PRKCH: variants seen among roughly 807,000 people sequenced by gnomAD.
The protein encoded by PRKCH is protein kinase C eta.
A neutral mutation model predicts 82.5 loss-of-function variants in PRKCH; 28 were observed. The ratio of observed to expected loss-of-function variants is 0.34; its 90% confidence interval spans 0.25 to 0.47. The LOEUF (loss-of-function observed/expected upper bound fraction) is 0.47, where lower values mean the gene tolerates loss of function less well. Ranked by LOEUF, PRKCH falls within the 20% of genes least tolerant of loss-of-function variation. The pLI is 1.00. For missense variants in PRKCH, 705 were observed against 881.8 expected, an observed-to-expected ratio of 0.80 and a Z score of 2.54; for synonymous variants, 322 against 327.4, an observed-to-expected ratio of 0.98 and a Z score of 0.18.
At chr14:61,236,867 A>G (rs2044794386) in intron 1 of PRKCH, among the ~76,000 whole-genome samples, 1 of 152,114 alleles carries the variant, frequency 6.6e-6, no homozygotes, top group South Asian at 2.1e-4. Context: ...AAGTTACCTT[A>G]TATGGTCTAA....
Position 61,323,185 on chromosome 14 carries a change from C to A in PRKCH, c.363+721C>A, listed in dbSNP as rs188588096. On this transcript the variant is annotated intron_variant, in intron 1 of 13. Coordinates refer to ENST00000332981, the MANE Select transcript of PRKCH (RefSeq NM_006255.5). ...GAGGTTGTTAACTGTCTTCCCTCCC[C>A]CCATCACCAGCCTGTGTTCCTGGGT... Among the ~76,000 whole-genome samples, 95 of 152,288 alleles carry A rather than the reference C, an allele frequency of 6.2e-4. 1 individual carries two copies. Among genetic ancestry groups the A allele is most frequent in the Non-Finnish European group, 1.0e-3 (69 of 68,028 alleles).
intron 1 of PRKCH, among the ~76,000 whole-genome samples, chr14:61,238,229 A>T (rs1239478889): frequency 6.6e-6 from 1 of 152,212 alleles, no homozygotes; most frequent in Non-Finnish European, 1.5e-5. Flanking sequence ...AAATCACAGT[A>T]CATTGGGTTC....
chr14:61,248,261 C>G (rs957775010), intron 1 of PRKCH, among the ~76,000 whole-genome samples: 1 of 152,136 alleles, frequency 6.6e-6, no homozygotes, highest in African/African-American at 2.4e-5. Context: ...AACTCACCCA[C>G]CTAGAGTTAC....
upstream of PRKCH, among the ~76,000 whole-genome samples, chr14:61,320,751 G>C (rs1009346106): frequency 6.6e-6 from 1 of 152,206 alleles, no homozygotes; most frequent in African/African-American, 2.4e-5. Context: ...ACCACGGGGT[G>C]GGAAGCATCA....
chr14:61,208,805 T>C (rs1458951922), intron 1 of PRKCH, among the ~76,000 whole-genome samples: 1 of 152,218 alleles, frequency 6.6e-6, no homozygotes, highest in South Asian at 2.1e-4. Context: ...ACCATTGCTA[T>C]GATCTGAATT....
At chr14:61,535,889 T>C (rs2043101453) in intron 12 of PRKCH, among the ~76,000 whole-genome samples, 1 of 152,182 alleles carries the variant, frequency 6.6e-6, no homozygotes, top group Admixed American at 6.5e-5. Context: ...GAGTGATGAG[T>C]ACATGAGGGT....
chr14:61,200,388 AGT>A (rs34645520), intron 1 of PRKCH, among the ~76,000 whole-genome samples: 36,515 of 142,116 alleles, frequency 0.26, 4,835 homozygotes, highest in Admixed American at 0.38. Flanking sequence ...TGAGTGAGTG[AGT>A]GTGTGTGTGT....
chr14:61,549,955 T>G lies in PRKCH; in HGVS notation c.*124T>G. On this transcript the variant is annotated 3_prime_UTR_variant, in exon 14 of 14. Transcript: ENST00000332981. ...AAGAACCTTACCTTCAAGGAGCAAG[T>G]GAAGAACTCTGTGAAGGATGGAACT... The G allele has an allele frequency of 9.6e-7, 1 of 1,046,038 alleles. No individual in the cohort carries two copies. Among genetic ancestry groups the G allele is most frequent in the Middle Eastern group, 2.4e-4 (1 of 4,180 alleles). The allele number at this position is 1,046,038 out of a possible 1,614,324, so 64.8% of individuals were successfully genotyped here. A position where few individuals can be genotyped will look rare whatever the true frequency, so the allele number is the denominator to read the frequency against.
chr14:61,457,717 T>A, intron 9 of PRKCH, 38 bp downstream of exon 9: 1 of 1,606,116 alleles, frequency 6.2e-7, no homozygotes, highest in Non-Finnish European at 8.5e-7. Context: ...AACAGCCTCT[T>A]TTCTTACAGA....
At chr14:61,363,021 A>T (rs538407683) in intron 1 of PRKCH, among the ~76,000 whole-genome samples, 48 of 152,352 alleles carry the variant, frequency 3.2e-4, no homozygotes, top group African/African-American at 1.1e-3. Context: ...TAGGACTTAG[A>T]TGATGAACGG....
chr14:61,339,432 T>C lies in PRKCH; in HGVS notation c.363+16968T>C, dbSNP rs2039566917. ...TTTGCCTCCCGGGTTCACGCCATTC[T>C]CCTGCCTCAGCCTCCCGAGTAGCTG... On this transcript the variant is annotated intron_variant, in intron 1 of 13. Coordinates refer to ENST00000332981, the MANE Select transcript of PRKCH (RefSeq NM_006255.5). Among the ~76,000 whole-genome samples the C allele has an allele frequency of 2.0e-5, 3 of 148,746 alleles. No homozygotes were observed. The South Asian group carries it at 6.6e-4, about 32-fold the overall frequency.
chr14:61,316,478 A>G (rs1457913247), intron 1 of PRKCH, among the ~76,000 whole-genome samples: 1 of 152,262 alleles, frequency 6.6e-6, no homozygotes, highest in Non-Finnish European at 1.5e-5. Flanking sequence ...TCATGGAATA[A>G]AACCCTCTAG....
rs190712252 is a variant in PRKCH, at chr14:61,447,873, C to T, written c.614-1291C>T. Among the ~76,000 whole-genome samples the T allele has an allele frequency of 9.2e-4, 140 of 152,190 alleles. 5 individuals are homozygous for T. Among genetic ancestry groups the T allele is most frequent in the Admixed American group, 6.9e-3 (106 of 15,284 alleles). ...ATCTAAAACCAAGATTCGAAATTTC[C>T]ACCTTAGGAAACTAGAGAAGGAAGA... On this transcript the variant is annotated intron_variant, in intron 4 of 13. Coordinates refer to ENST00000332981, the MANE Select transcript of PRKCH (RefSeq NM_006255.5).
chr14:61,361,458 C>T (rs986695724), intron 1 of PRKCH, among the ~76,000 whole-genome samples: 13 of 152,196 alleles, frequency 8.5e-5, no homozygotes, highest in Admixed American at 8.5e-4. Flanking sequence ...CTTTTATTTA[C>T]CAATGAAGCA....
At chr14:61,413,859 G>A (rs1566868174) in intron 2 of PRKCH, among the ~76,000 whole-genome samples, 1 of 152,026 alleles carries the variant, frequency 6.6e-6, no homozygotes, top group African/African-American at 2.4e-5. Context: ...CTCAAGTAGC[G>A]CTTGATAAGG....
intron 2 of PRKCH, among the ~76,000 whole-genome samples, chr14:61,436,567 C>G (rs1292854120): frequency 2.2e-4 from 34 of 152,214 alleles, no homozygotes; most frequent in Admixed American, 2.2e-3. Flanking sequence ...GAGTCTCACT[C>G]TGTCGCCCAG....
chr14:61,276,856 G>A (rs2045207871), intron 1 of PRKCH, among the ~76,000 whole-genome samples: 1 of 152,034 alleles, frequency 6.6e-6, no homozygotes, highest in Non-Finnish European at 1.5e-5. Context: ...TGCTCTAAAG[G>A]AAATTCCAGA....
chr14:61,436,732 C>T (rs1014497675), intron 2 of PRKCH, among the ~76,000 whole-genome samples: 1 of 152,200 alleles, frequency 6.6e-6, no homozygotes, highest in Non-Finnish European at 1.5e-5. Context: ...GGGGTTTCAC[C>T]ATGTTGGCCA....
chr14:61,545,952 C>G (rs1257677389), intron 12 of PRKCH, among the ~76,000 whole-genome samples: 1 of 152,204 alleles, frequency 6.6e-6, no homozygotes. Context: ...ACAAGATGTC[C>G]TCTCTCACAT....
Sources: gnomAD v4.1 joint callset for allele counts (sites outside exome capture counted in the v4.1 genomes callset) on GRCh38, gnomAD v4.1.1 for gene constraint, MANE v1.5 for transcripts, NCBI Gene and HGNC (gene_info 2026-07-23, HGNC 2026-07-21) for gene names.